PLD3: variants seen among roughly 807,000 people sequenced by gnomAD.
PLD3 encodes phospholipase D family member 3, also known as 5'-3' exonuclease PLD3.
In PLD3, 31 loss-of-function variants were observed where a neutral mutation model predicts 58.4. That is an observed-to-expected ratio of 0.53 (90% CI 0.40 to 0.72). The LOEUF (loss-of-function observed/expected upper bound fraction) is 0.72. Ranked by LOEUF, PLD3 falls within the 30% of genes least tolerant of loss-of-function variation. The probability of loss-of-function intolerance (pLI) is 0.00; values close to 1 mark genes in which losing one functional copy is unlikely to be tolerated. For missense variants in PLD3, 595 were observed against 659.8 expected (o/e 0.90, Z 1.08); for synonymous variants, 264 against 273.4 (o/e 0.97, Z 0.34).
intron 10 of PLD3, chr19:40,376,140 G>C: frequency 6.4e-6 from 1 of 155,668 alleles, no homozygotes; most frequent in Non-Finnish European, 1.4e-5. Flanking sequence ...CAGATCACCT[G>C]AGGTCGGGAG....
At chr19:40,349,077 C>A (rs976818696) in intron 1 of PLD3, among the ~76,000 whole-genome samples, 1 of 151,966 alleles carries the variant, frequency 6.6e-6, no homozygotes, top group African/African-American at 2.4e-5. Context: ...CCTGTAAGCC[C>A]TCTTTGCCAC....
intron 5 of PLD3, chr19:40,367,427 A>G (rs949103473): frequency 5.5e-6 from 2 of 366,294 alleles, no homozygotes; most frequent in African/African-American, 2.0e-5. Flanking sequence ...CTAAAAGTAA[A>G]AAAAGTAACC....
At chr19:40,376,355 CAAA>C in intron 10 of PLD3, 1 of 315,538 alleles carries the variant, frequency 3.2e-6, no homozygotes, top group Non-Finnish European at 5.5e-6. Context: ...AATTCCACCT[CAAA>C]AAAAAAAAGA....
intron 1 of PLD3, among the ~76,000 whole-genome samples, chr19:40,350,698 C>T (rs1169137667): frequency 6.7e-6 from 1 of 150,108 alleles, no homozygotes; most frequent in Non-Finnish European, 1.5e-5. Context: ...GAGTTGAGAT[C>T]GCACCACTGC....
rs768953958 is a variant in PLD3, at chr19:40,366,678, G to A, written c.96G>A (p.Ala32=). The change falls in exon 4 of 13, where the codon GCG becomes GCA. Residue 32 remains alanine (A), a synonymous_variant. Coordinates refer to ENST00000409735, the MANE Select transcript of PLD3 (RefSeq NM_012268.4). Reference sequence around the variant, plus strand: ...ATGAGATTGAGGCGTGGAAGGCTGCGGAAAAGGTAGGAGCCCTCCGCCACC... The same window carrying A: ...ATGAGATTGAGGCGTGGAAGGCTGCAGAAAAGGTAGGAGCCCTCCGCCACC... ...PMNEIEAWKA[A]EKKARWVLLV... is the part of the protein sequence containing the mutation. 11 of 1,606,174 alleles carry A rather than the reference G, an allele frequency of 6.8e-6. No homozygotes were observed. The highest frequency in any genetic ancestry group is 2.2e-5 in the South Asian group (2 of 90,612).
At chr19:40,369,706 C>T in intron 6 of PLD3, 1 of 505,270 alleles carries the variant, frequency 2.0e-6, no homozygotes, top group Non-Finnish European at 3.4e-6. Flanking sequence ...CACAGGGCAA[C>T]TAATTATTAA....
chr19:40,350,927 A>T (rs558249014), intron 1 of PLD3, among the ~76,000 whole-genome samples: 11 of 152,058 alleles, frequency 7.2e-5, no homozygotes, highest in African/African-American at 2.7e-4. Context: ...GACATTTGAA[A>T]CAAATACTTG....
At chr19:40,362,902 C>T (rs542268173) in intron 1 of PLD3, among the ~76,000 whole-genome samples, 1 of 152,174 alleles carries the variant, frequency 6.6e-6, no homozygotes, top group East Asian at 1.9e-4. Context: ...CATCTATTTT[C>T]TTCCTATTTT....
chr19:40,366,266 T>C, intron 2 of PLD3, 153 bp from the exon 3 acceptor site: 1 of 611,410 alleles, frequency 1.6e-6, no homozygotes. Flanking sequence ...GAAATCCTGC[T>C]GACCAGTGAC....
Position 40,371,718 on chromosome 19 carries a change from C to T in PLD3, c.724C>T (p.Arg242Ter), listed in dbSNP as rs749875620. ...CATGTACAACTGCAGCTGCCTGGCTCGAGACCTGACCAAGATCTTTGAGGC... is the reference window on the plus strand; with the variant it reads ...CATGTACAACTGCAGCTGCCTGGCTTGAGACCTGACCAAGATCTTTGAGGC... ...VVMYNCSCLARDLTKIFEAYW... is the reference protein window; with the variant it reads ...VVMYNCSCLA Residue 242 changes from arginine (R) to a stop codon, truncating the protein, a stop_gained, in exon 9 of 13, where the codon CGA becomes TGA. Coordinates refer to ENST00000409735, the MANE Select transcript of PLD3 (RefSeq NM_012268.4). LOFTEE classifies it high-confidence loss of function. 3.1e-6 allele frequency: 5 copies of T among 1,613,702 alleles called. No homozygotes were observed. Among genetic ancestry groups the T allele is most frequent in the Admixed American group, 1.7e-5 (1 of 59,998 alleles).
At chr19:40,366,139 A>C in intron 2 of PLD3, 1 of 397,298 alleles carries the variant, frequency 2.5e-6, no homozygotes, top group Non-Finnish European at 4.6e-6. Flanking sequence ...GGGTGTCTAC[A>C]GGTTGGAGGA....
At chr19:40,356,115 A>G (rs2078650850) in intron 1 of PLD3, 1 of 152,514 alleles carries the variant, frequency 6.6e-6, no homozygotes, top group Non-Finnish European at 1.5e-5. Flanking sequence ...AGAAATGAGC[A>G]AGGTGTGCTC....
chr19:40,362,214 A>G (rs1239620940), intron 1 of PLD3, among the ~76,000 whole-genome samples: 3 of 152,220 alleles, frequency 2.0e-5, no homozygotes, highest in Non-Finnish European at 2.9e-5. Context: ...ACACAAGGCA[A>G]CCAGTAAATG....
intron 1 of PLD3, among the ~76,000 whole-genome samples, chr19:40,351,088 G>A (rs2078501527): frequency 6.6e-6 from 1 of 151,864 alleles, no homozygotes; most frequent in Non-Finnish European, 1.5e-5. Flanking sequence ...AATTAGCCAG[G>A]TATGGTGGTG....
rs201387864 is a variant in PLD3 at position 40,364,732 on chromosome 19, G to A, written c.-278-986G>A. ...AATTGCTCGAACCAGGGAGGTGGAG[G>A]TTGCAGTGAGCCGAGATGGCGCCAC... On this transcript the variant is annotated intron_variant, in intron 1 of 12. Transcript: ENST00000409735. Among the ~76,000 whole-genome samples, 21 of 151,658 alleles carry A rather than the reference G, an allele frequency of 1.4e-4. No individual in the cohort carries two copies. The East Asian group carries it at 3.5e-3, about 25-fold the overall frequency.
chr19:40,365,509 A>G (rs1300203571), intron 1 of PLD3: 1 of 152,170 alleles, frequency 6.6e-6, no homozygotes. Context: ...GTTTCATTTT[A>G]TAAGCGTTTT....
rs2079209815 is a variant in PLD3 at position 40,376,644 on chromosome 19, C to T, written c.1055C>T (p.Ala352Val). 6.2e-7 allele frequency: 1 copy of T among 1,608,052 alleles called. No individual in the cohort carries two copies. Among genetic ancestry groups the T allele is most frequent in the Non-Finnish European group, 8.5e-7 (1 of 1,179,932 alleles). Residue 352 changes from alanine (A) to valine (V), a missense_variant, in exon 11 of 13, where the codon GCC (alanine) becomes GTC (valine). Physicochemically the swap from Ala to Val is moderately conservative, Grantham distance 64. Coordinates refer to ENST00000409735, the MANE Select transcript of PLD3 (RefSeq NM_012268.4). ...GCCATTGACGATGGGCTGCGGCGGG[C>T]CACCTACGAGCGTGGCGTCAAGGTG... ...WPAIDDGLRR[A>V]TYERGVKVRL...
chr19:40,360,996 C>G (rs1376361102), intron 1 of PLD3, among the ~76,000 whole-genome samples: 1 of 152,206 alleles, frequency 6.6e-6, no homozygotes, highest in Non-Finnish European at 1.5e-5. Flanking sequence ...CAAAATCCAA[C>G]TGAAGCCCAG....
intron 1 of PLD3, among the ~76,000 whole-genome samples, chr19:40,349,313 C>G (rs1452399008): frequency 6.6e-6 from 1 of 152,166 alleles, no homozygotes; most frequent in Non-Finnish European, 1.5e-5. Context: ...CTTGGCATCA[C>G]TGTTCCTCTG....
Sources: gnomAD v4.1 joint callset for allele counts (sites outside exome capture counted in the v4.1 genomes callset) on GRCh38, gnomAD v4.1.1 for gene constraint, MANE v1.5 for transcripts, NCBI Gene and HGNC (gene_info 2026-07-23, HGNC 2026-07-21) for gene names.